Variants in PCDHGB1 observed in about 807,000 individuals in gnomAD.
PCDHGB1 encodes the protein protocadherin gamma-B1.
PCDHGB1 carries 34 observed loss-of-function variants against 56.6 expected under a neutral mutation model. The ratio of observed to expected loss-of-function variants is 0.60; its 90% CI spans 0.46 to 0.80. The LOEUF is 0.80. Among genes scored for constraint, PCDHGB1 ranks in the 30% least tolerant of loss-of-function variants. The pLI, the probability that PCDHGB1 is intolerant of heterozygous loss-of-function variation, is 0.00. For synonymous variants in PCDHGB1, 561 were observed against 505.9 expected, an observed-to-expected ratio of 1.11 and a Z score of -1.46; for missense variants, 1,278 against 1,204.6, an observed-to-expected ratio of 1.06 and a Z score of -0.90.
chr5:141,393,408 G>T (rs2092753153), intron 1 of PCDHGB1: 1 of 1,614,022 alleles, frequency 6.2e-7, no homozygotes, highest in East Asian at 2.2e-5. Context: ...GCTGGAGCGC[G>T]CCCTGGACAG....
At chr5:141,454,267 A>G (rs1270638226) in intron 1 of PCDHGB1, among the ~76,000 whole-genome samples, 1 of 152,254 alleles carries the variant, frequency 6.6e-6, no homozygotes, top group Non-Finnish European at 1.5e-5. Context: ...AAGTAATGCC[A>G]GCAAAAACTT....
intron 1 of PCDHGB1, chr5:141,383,360 T>C (rs1319923403): frequency 6.2e-7 from 1 of 1,614,006 alleles, no homozygotes; most frequent in Admixed American, 1.7e-5. Flanking sequence ...CGGTTTCCGT[T>C]AAGCGAGGCT....
chr5:141,488,175 T>C (rs889217562), intron 1 of PCDHGB1, among the ~76,000 whole-genome samples: 1 of 152,168 alleles, frequency 6.6e-6, no homozygotes, highest in Non-Finnish European at 1.5e-5. Context: ...AGTGGTGGCA[T>C]AGATCTTTTG....
intron 1 of PCDHGB1, chr5:141,441,126 C>T (rs1319809408): frequency 6.6e-6 from 1 of 152,062 alleles, no homozygotes; most frequent in Non-Finnish European, 1.5e-5. Context: ...CAGTTGAGAC[C>T]GAATTTCTAG....
intron 1 of PCDHGB1, chr5:141,356,920 G>C (rs964262114): frequency 6.2e-7 from 1 of 1,613,924 alleles, no homozygotes; most frequent in South Asian, 1.1e-5. Flanking sequence ...TGGCTCCACT[G>C]GTGTGGAGCT....
At chr5:141,366,775 A>G (rs550477594) in intron 1 of PCDHGB1, 13 of 1,595,244 alleles carry the variant, frequency 8.1e-6, no homozygotes, top group African/African-American at 1.3e-5. Context: ...TTCGGTAAGG[A>G]TGACCAGAAC....
Position 141,477,741 on chromosome 5 carries a change from G to A in PCDHGB1, c.2410-17066G>A, listed in dbSNP as rs1438249932. On this transcript the variant is annotated intron_variant, in intron 1 of 3. Transcript: ENST00000523390. The surrounding 1 kb of genome is among the most constrained non-coding windows in gnomAD (Gnocchi z 4.9). ...GAATTAACAGCTCATATCAGCGATG[G>A]GGGCACCCCGGTCCTAGCCACCAAC... is the stretch of plus-strand genomic sequence containing the variant. 4 of 1,613,802 alleles carry A rather than the reference G, an allele frequency of 2.5e-6. No individual in the cohort carries two copies. The highest frequency in any genetic ancestry group is 1.7e-5 in the Admixed American group (1 of 60,026).
chr5:141,372,042 G>T (rs373749332), intron 1 of PCDHGB1: 26 of 1,613,362 alleles, frequency 1.6e-5, no homozygotes, highest in African/African-American at 2.7e-5. Flanking sequence ...GAGCCTGCGC[G>T]TGTTGGTGGA....
intron 1 of PCDHGB1, chr5:141,374,501 G>T (rs746410507): frequency 8.1e-6 from 13 of 1,611,510 alleles, no homozygotes; most frequent in Non-Finnish European, 1.0e-5. Context: ...AGAATTGGAA[G>T]TGAAAATTCT....
At chr5:141,505,121 C>A (rs1194549194) in intron 2 of PCDHGB1, among the ~76,000 whole-genome samples, 1 of 152,168 alleles carries the variant, frequency 6.6e-6, no homozygotes, top group Non-Finnish European at 1.5e-5. Context: ...AAGATCGCGC[C>A]ACTGCACTCC....
At chr5:141,371,188 T>C (rs1206989931) in intron 1 of PCDHGB1, 1 of 1,614,030 alleles carries the variant, frequency 6.2e-7, no homozygotes. Flanking sequence ...TTAAAAGTGA[T>C]GGCCATTGAC....
rs369595307 is a variant in PCDHGB1, at chr5:141,394,005, A to G, written c.2409+41336A>G. On this transcript the variant is annotated intron_variant, in intron 1 of 3. Coordinates refer to ENST00000523390, the MANE Select transcript of PCDHGB1 (RefSeq NM_018922.3). ...TTTACCTTTTAAATTAGAAAAGTCA[A>G]TAGGTAATTATTATAGATTAGTGAC... 52 of 1,613,340 alleles carry G rather than the reference A, an allele frequency of 3.2e-5. No individual in the cohort carries two copies. In the African/African-American group the frequency reaches 5.6e-4, roughly 17 times the overall value.
At chr5:141,474,130 C>T (rs28684928) in intron 1 of PCDHGB1, among the ~76,000 whole-genome samples, 6 of 152,160 alleles carry the variant, frequency 3.9e-5, no homozygotes. Context: ...TCTCAGAAAA[C>T]TACAGGCCTT....
chr5:141,435,603 T>C (rs1195458514), intron 1 of PCDHGB1, among the ~76,000 whole-genome samples: 1 of 152,218 alleles, frequency 6.6e-6, no homozygotes, highest in African/African-American at 2.4e-5. Flanking sequence ...GCCTGCTTTT[T>C]ACATTAAATT....
chr5:141,423,782 C>A (rs1458189260), intron 1 of PCDHGB1: 2 of 1,243,328 alleles, frequency 1.6e-6, no homozygotes, highest in Non-Finnish European at 1.0e-6. Context: ...ATATTTAGTT[C>A]ATATATATTT....
At chr5:141,409,786 C>A in intron 1 of PCDHGB1, 11 of 1,612,124 alleles carry the variant, frequency 6.8e-6, no homozygotes, top group Non-Finnish European at 9.3e-6. Flanking sequence ...TGCGCGCCTT[C>A]GCGCTCACGC....
chr5:141,421,374 C>T, intron 1 of PCDHGB1: 1 of 1,614,062 alleles, frequency 6.2e-7, no homozygotes, highest in Non-Finnish European at 8.5e-7. Flanking sequence ...TGGGCAATAT[C>T]TCCAAGGACC....
intron 1 of PCDHGB1, chr5:141,375,243 C>G: frequency 6.2e-7 from 1 of 1,613,896 alleles, no homozygotes; most frequent in Non-Finnish European, 8.5e-7. Flanking sequence ...TGTTCCATCC[C>G]GAGAAGTCTC....
At chr5:141,471,654 G>A (rs1235665796) in intron 1 of PCDHGB1, 2 of 152,044 alleles carry the variant, frequency 1.3e-5, no homozygotes, top group South Asian at 2.1e-4. Flanking sequence ...CTGGATGTGG[G>A]GATGCAGAAA....
Sources: gnomAD v4.1 joint callset for allele counts (sites outside exome capture counted in the v4.1 genomes callset) on GRCh38, gnomAD v4.1.1 for gene constraint, Gnocchi (gnomAD v3.1) non-coding constraint, MANE v1.5 for transcripts, NCBI Gene and HGNC (gene_info 2026-07-23, HGNC 2026-07-21) for gene names.